Variants in CFAP20DC observed in about 807,000 individuals in gnomAD.
CFAP20DC encodes the protein protein CFAP20DC.
A neutral mutation model predicts 101.7 loss-of-function variants in CFAP20DC; 84 were observed. The ratio of observed to expected loss-of-function variants is 0.83; its 90% CI spans 0.69 to 0.99. CFAP20DC has a LOEUF of 0.99. CFAP20DC is among the 50% of genes least tolerant of loss of function. The probability of loss-of-function intolerance (pLI) is 0.00; values close to 1 mark genes in which losing one functional copy is unlikely to be tolerated. For synonymous variants in CFAP20DC, 359 were observed against 351.2 expected, an observed-to-expected ratio of 1.02 and a Z score of -0.25; for missense variants, 1,007 against 970.3, an observed-to-expected ratio of 1.04 and a Z score of -0.50.
rs969922004 is a variant in CFAP20DC at position 58,913,273 on chromosome 3, G to A, written c.550+435C>T. Among the ~76,000 whole-genome samples the A allele has an allele frequency of 5.3e-5, 8 of 152,116 alleles. No individual in the cohort carries two copies. The highest frequency in any genetic ancestry group is 1.9e-4 in the African/African-American group (8 of 41,426). On this transcript the variant is annotated intron_variant, in intron 6 of 16. Transcript: ENST00000482387. This position sits in a 1 kb window ranked among gnomAD's most constrained non-coding sequence, Gnocchi z 4.4. ...CTGGCAGTGGGTGGAGGTGGCAAAT[G>A]GATGGGGTTGTCCTTAGATAAGTCT...
intron 4 of CFAP20DC, among the ~76,000 whole-genome samples, chr3:58,962,285 G>A (rs1413908136): frequency 6.6e-6 from 1 of 152,066 alleles, no homozygotes; most frequent in Non-Finnish European, 1.5e-5. Flanking sequence ...TGGCTATTAA[G>A]ACACACACTA....
rs530086324 is a variant in CFAP20DC, at chr3:58,863,575, C to T, written c.1576G>A (p.Gly526Ser). The T allele has an allele frequency of 4.8e-5, 77 of 1,614,050 alleles. No homozygotes were observed. In the Middle Eastern group the frequency reaches 8.2e-4, roughly 17 times the overall value. The stretch of plus-strand genomic sequence containing the variant: ...CAGTGTACCTCTTCACTGCTGTCGC[C>T]GCCGTAAAAATCATCCTCTGATTGG... Reference protein sequence around the residue: ...DTQSEDDFYGGDSSEEGNHSI... With the variant: ...DTQSEDDFYGSDSSEEGNHSI... The change falls in exon 12 of 17, where the codon GGC (glycine) becomes AGC (serine). Residue 526 changes from glycine to serine, a missense_variant. Transcript: ENST00000482387. This position sits in a 1 kb window ranked among gnomAD's most constrained non-coding sequence, Gnocchi z 5.9.
rs148759049 is a variant in CFAP20DC, at chr3:58,782,408, A to G, written c.2237+23987T>C. Among the ~76,000 whole-genome samples, 14 of 152,212 alleles carry G rather than the reference A, an allele frequency of 9.2e-5. No individual in the cohort carries two copies. In the East Asian group the frequency reaches 2.3e-3, roughly 25 times the overall value. On this transcript the variant is annotated intron_variant, in intron 15 of 16. Transcript: ENST00000482387. ...TGCCCACTTTTACCACTCCTGTTCA[A>G]CGTAATACTGGAAGTCCTAGCCAGA...
chr3:58,759,839 G>A (rs1292468761), intron 15 of CFAP20DC, among the ~76,000 whole-genome samples: 25 of 152,136 alleles, frequency 1.6e-4, no homozygotes, highest in Admixed American at 1.6e-3. Context: ...AAGATCAGAT[G>A]GTTGTAGATA....
At chr3:58,854,136 G>A (rs2078530445) in intron 12 of CFAP20DC, among the ~76,000 whole-genome samples, 2 of 152,110 alleles carry the variant, frequency 1.3e-5, no homozygotes, top group Admixed American at 1.3e-4. Context: ...CTTCAGCAAA[G>A]TCTCAGGATA....
intron 4 of CFAP20DC, among the ~76,000 whole-genome samples, chr3:58,996,382 AG>A (rs1227780754): frequency 2.0e-5 from 3 of 152,220 alleles, no homozygotes; most frequent in Non-Finnish European, 4.4e-5. Flanking sequence ...TCTTCCTACC[AG>A]AAAAATATTT....
chr3:58,905,424 T>C (rs2107223364), intron 6 of CFAP20DC, among the ~76,000 whole-genome samples: 1 of 152,326 alleles, frequency 6.6e-6, no homozygotes, highest in East Asian at 1.9e-4. Context: ...TGCCAGCTCA[T>C]GTCTCCTCAG....
At chr3:58,832,056 C>G (rs1457649629) in intron 13 of CFAP20DC, among the ~76,000 whole-genome samples, 167 bp from the exon 14 acceptor site, 1 of 152,290 alleles carries the variant, frequency 6.6e-6, no homozygotes, top group East Asian at 1.9e-4. Context: ...CACCTCCTGT[C>G]CATTTGCTCC....
Position 58,913,428 on chromosome 3 carries a change from T to C in CFAP20DC, c.550+280A>G. 1.7e-6 allele frequency: 1 copy of C among 577,870 alleles called. No individual in the cohort carries two copies. The highest frequency in any genetic ancestry group is 3.0e-6 in the Non-Finnish European group (1 of 328,240). 35.8% of individuals were successfully genotyped at this position (577,870 alleles called of 1,614,324 possible). ...TTTTTCAACCACCTAAAGAGGATTA[T>C]GTTGTTTGTAACTAAGGAGCCTAAG... On this transcript the variant is annotated intron_variant, in intron 6 of 16. Coordinates refer to ENST00000482387, the MANE Select transcript of CFAP20DC (RefSeq NM_001394063.1). The surrounding 1 kb of genome is among the most constrained non-coding windows in gnomAD (Gnocchi z 4.4).
At chr3:58,982,282 C>A (rs978611791) in intron 4 of CFAP20DC, among the ~76,000 whole-genome samples, 1 of 152,114 alleles carries the variant, frequency 6.6e-6, no homozygotes, top group South Asian at 2.1e-4. Flanking sequence ...AGTTTGTAAA[C>A]CATTTTGGAA....
At chr3:58,773,451 G>A (rs995615857) in intron 15 of CFAP20DC, among the ~76,000 whole-genome samples, 5 of 152,110 alleles carry the variant, frequency 3.3e-5, no homozygotes, top group East Asian at 1.9e-4. Context: ...GGCTACTTGG[G>A]GGGCTGAAGT....
At position 58,892,252 on chromosome 3, in the gene CFAP20DC, G is replaced by GAATTC. The variant is rs2082316737; in HGVS notation, c.551-7544_551-7543insGAATT. Among the ~76,000 whole-genome samples the GAATTC allele has an allele frequency of 6.6e-6, 1 of 152,182 alleles. No homozygotes were observed. The highest frequency in any genetic ancestry group is 2.1e-4 in the South Asian group (1 of 4,828). On this transcript the variant is annotated intron_variant, in intron 6 of 16. Transcript: ENST00000482387. This position sits in a 1 kb window ranked among gnomAD's most constrained non-coding sequence, Gnocchi z 4.0. ...TTACTGTAGACTTGTAGTATACATT[G>GAATTC]AAGTTGGATAGCATGATGCCTCCAG...
At chr3:58,950,875 C>A (rs2108033506) in intron 4 of CFAP20DC, among the ~76,000 whole-genome samples, 1 of 152,202 alleles carries the variant, frequency 6.6e-6, no homozygotes, top group East Asian at 1.9e-4. Flanking sequence ...TCTAAAACAC[C>A]AAAAGCAATG....
chr3:58,986,447 T>C (rs1275250573), intron 4 of CFAP20DC, among the ~76,000 whole-genome samples: 2 of 151,832 alleles, frequency 1.3e-5, no homozygotes, highest in African/African-American at 4.9e-5. Flanking sequence ...CTGAGCCTCC[T>C]GCAGAAAGCC....
intron 6 of CFAP20DC, among the ~76,000 whole-genome samples, chr3:58,906,124 T>C (rs1576244601): frequency 6.6e-6 from 1 of 152,190 alleles, no homozygotes. Flanking sequence ...AGAGTTGTTA[T>C]GAACACTAGG....
At chr3:58,794,458 T>C in intron 15 of CFAP20DC, 1 of 365,852 alleles carries the variant, frequency 2.7e-6, no homozygotes, top group Non-Finnish European at 5.7e-6. Context: ...ACTGTTGACT[T>C]CTATGGTATT....
intron 4 of CFAP20DC, among the ~76,000 whole-genome samples, chr3:58,938,557 A>C (rs1195787113): frequency 6.6e-6 from 1 of 152,154 alleles, no homozygotes; most frequent in Non-Finnish European, 1.5e-5. Flanking sequence ...TTAGGGAAAA[A>C]CTTTGTTTAG....
Position 58,831,678 on chromosome 3 carries a change from G to T in CFAP20DC, c.2175+8C>A. The T allele has an allele frequency of 6.2e-7, 1 of 1,612,664 alleles. No homozygotes were observed. The highest frequency in any genetic ancestry group is 1.1e-5 in the South Asian group (1 of 91,018). ...CAATGAGAGGAAGCTGCAAAGCCAG[G>T]GACTCACGGGTGGCAGGCAGGAGTT... On this transcript the variant is annotated splice_region_variant and intron_variant, in intron 14 of 16. Coordinates refer to ENST00000482387, the MANE Select transcript of CFAP20DC (RefSeq NM_001394063.1).
intron 5 of CFAP20DC, among the ~76,000 whole-genome samples, chr3:58,918,221 C>G (rs113120740): frequency 2.9e-4 from 44 of 152,258 alleles, no homozygotes; most frequent in Admixed American, 1.5e-3. Flanking sequence ...CTACAGCCCT[C>G]TAATTGAGGC....
Sources: gnomAD v4.1 joint callset for allele counts (sites outside exome capture counted in the v4.1 genomes callset) on GRCh38, gnomAD v4.1.1 for gene constraint, Gnocchi (gnomAD v3.1) non-coding constraint, MANE v1.5 for transcripts, NCBI Gene and HGNC (gene_info 2026-07-23, HGNC 2026-07-21) for gene names.